LDB2: variants seen among roughly 807,000 people sequenced by gnomAD.
LDB2 encodes LIM domain binding 2.
Under a neutral mutation model 44.3 loss-of-function variants are expected in LDB2, and 12 were observed. The ratio of observed to expected loss-of-function variants is 0.27; its 90% CI spans 0.17 to 0.44. The LOEUF (loss-of-function observed/expected upper bound fraction) is 0.44, where lower values mean the gene tolerates loss of function less well. LDB2 is among the 20% of genes least tolerant of loss of function. The pLI, the probability that LDB2 is intolerant of heterozygous loss-of-function variation, is 1.00. For missense variants in LDB2, 344 were observed against 473.5 expected (o/e 0.73, Z 2.54); for synonymous variants, 164 against 174.8 (o/e 0.94, Z 0.49).
At chr4:16,568,637 C>T (rs1194920567) in intron 5 of LDB2, among the ~76,000 whole-genome samples, 1 of 152,118 alleles carries the variant, frequency 6.6e-6, no homozygotes, top group African/African-American at 2.4e-5. Context: ...GGTTCCAGGA[C>T]CCCCACGAAC....
At position 16,739,642 on chromosome 4, in the gene LDB2, ATACATATGTGTG is replaced by A. The variant is rs1561055142; in HGVS notation, c.235+19504_235+19515del. 4.6e-4 allele frequency among the ~76,000 whole-genome samples: 41 copies of A among 88,610 alleles called. 4 individuals carry two copies. The highest frequency in any genetic ancestry group is 2.4e-3 in the East Asian group (4 of 1,692). The allele number at this position is 88,610 out of a possible 152,430, so 58.1% of individuals were successfully genotyped here. ...TACATGTGTGTGTATATATGTATAT[ATACATATGTGTG>A]TATATATGTATATATACATATGTGT... On this transcript the variant is annotated intron_variant, in intron 2 of 7. Transcript: ENST00000304523.
intron 2 of LDB2, among the ~76,000 whole-genome samples, chr4:16,758,029 G>A (rs1254698406): frequency 2.0e-5 from 3 of 152,142 alleles, no homozygotes; most frequent in Non-Finnish European, 4.4e-5. Context: ...TGGGCAGCAA[G>A]TCCACTCCGG....
intron 1 of LDB2, among the ~76,000 whole-genome samples, chr4:16,760,325 T>G (rs146644572): frequency 1.3e-5 from 2 of 152,238 alleles, no homozygotes; most frequent in African/African-American, 2.4e-5. Context: ...ATGACAACAT[T>G]AAGTTGTTGT....
At chr4:16,875,268 C>G (rs1718017641) in intron 1 of LDB2, among the ~76,000 whole-genome samples, 1 of 152,242 alleles carries the variant, frequency 6.6e-6, no homozygotes, top group Admixed American at 6.5e-5. Context: ...CTGGCAAAAT[C>G]TGATCTGGGT....
chr4:16,636,433 A>G (rs77567952), intron 2 of LDB2, among the ~76,000 whole-genome samples: 5,978 of 152,340 alleles, frequency 0.039, 173 homozygotes, highest in Non-Finnish European at 0.058. Flanking sequence ...CAGTAGGCCC[A>G]CGGTATCATA....
intron 2 of LDB2, among the ~76,000 whole-genome samples, chr4:16,716,217 C>T (rs1285931984): frequency 6.6e-6 from 1 of 152,166 alleles, no homozygotes; most frequent in Non-Finnish European, 1.5e-5. Flanking sequence ...AGGAATATGG[C>T]TCAGGCTGTC....
In LDB2 at chr4:16,592,677, A is replaced by C. The variant is rs1578067171; in HGVS notation, c.408+3026T>G. 2.0e-5 allele frequency among the ~76,000 whole-genome samples: 3 copies of C among 152,054 alleles called. No individual in the cohort carries two copies. In the East Asian group the frequency reaches 5.8e-4, roughly 29 times the overall value. On this transcript the variant is annotated intron_variant, in intron 3 of 7. Transcript: ENST00000304523. Reference sequence around the variant, plus strand: ...TTCATATAGGAAAACTGGTGGGTGCATTTCCATGGTACTTCTCTGTAGCAG... The same window carrying C: ...TTCATATAGGAAAACTGGTGGGTGCCTTTCCATGGTACTTCTCTGTAGCAG...
chr4:16,606,262 G>A (rs1398458949), intron 2 of LDB2, among the ~76,000 whole-genome samples: 2 of 152,162 alleles, frequency 1.3e-5, no homozygotes, highest in African/African-American at 4.8e-5. Context: ...TTTAAATGCA[G>A]CATTGTATTC....
At chr4:16,821,387 A>ATTATT (rs1781959403) in intron 1 of LDB2, among the ~76,000 whole-genome samples, 1 of 130,696 alleles carries the variant, frequency 7.7e-6, no homozygotes, top group Non-Finnish European at 1.7e-5. Context: ...TTTTTTTTTT[A>ATTATT]TTTTTTTTTT....
At chr4:16,748,678 G>A (rs1764846961) in intron 2 of LDB2, among the ~76,000 whole-genome samples, 1 of 152,130 alleles carries the variant, frequency 6.6e-6, no homozygotes, top group South Asian at 2.1e-4. Context: ...ACCTGGATTT[G>A]GCTCACTCCA....
intron 2 of LDB2, among the ~76,000 whole-genome samples, chr4:16,735,799 G>T (rs1761780549): frequency 1.3e-5 from 2 of 152,204 alleles, no homozygotes; most frequent in South Asian, 4.2e-4. Context: ...CAGGATATTT[G>T]CCTGAACAGT....
In LDB2 at chr4:16,647,765, C is replaced by T. The variant is rs554157009; in HGVS notation, c.236-51890G>A. 1.0e-3 allele frequency among the ~76,000 whole-genome samples: 155 copies of T among 152,218 alleles called. 2 individuals are homozygous for T. The highest frequency in any genetic ancestry group is 6.9e-3 in the South Asian group (33 of 4,802). On this transcript the variant is annotated intron_variant, in intron 2 of 7. Transcript: ENST00000304523. ...TCTTTGCCATGTCACTCCCTCTTTC[C>T]GACACCATGTAGGTGAATTCCTATT...
chr4:16,586,033 T>C, intron 4 of LDB2, 28 bp from the exon 5 acceptor site: 1 of 1,545,836 alleles, frequency 6.5e-7, no homozygotes. Flanking sequence ...CCCACATGTA[T>C]TTTATCACTA....
chr4:16,692,201 G>A (rs182835359), intron 2 of LDB2, among the ~76,000 whole-genome samples: 2 of 152,222 alleles, frequency 1.3e-5, no homozygotes, highest in Admixed American at 6.5e-5. Context: ...ATGCAGATGC[G>A]TACATAAACT....
intron 2 of LDB2, among the ~76,000 whole-genome samples, chr4:16,755,175 G>A (rs547998093): frequency 6.6e-6 from 1 of 152,296 alleles, no homozygotes; most frequent in East Asian, 1.9e-4. Flanking sequence ...AATAGTGTGG[G>A]GAACGGTTCT....
rs575735578 is a variant in LDB2 at position 16,593,465 on chromosome 4, C to CA, written c.408+2237dup. Among the ~76,000 whole-genome samples the CA allele has an allele frequency of 1.4e-3, 189 of 138,132 alleles. 1 individual carries two copies. The highest frequency in any genetic ancestry group is 5.0e-3 in the African/African-American group (185 of 37,180). 90.6% of individuals were successfully genotyped at this position (138,132 alleles called of 152,430 possible). A position where few individuals can be genotyped will look rare whatever the true frequency, so the allele number is the denominator to read the frequency against. ...GAGTATTATAATAATCACCAAGGAG[C>CA]AAAAAAACAAAAAACAAAAAATTGA... On this transcript the variant is annotated intron_variant, in intron 3 of 7. Transcript: ENST00000304523.
intron 2 of LDB2, among the ~76,000 whole-genome samples, chr4:16,675,323 C>A (rs182824524): frequency 3.9e-4 from 60 of 152,212 alleles, no homozygotes; most frequent in Non-Finnish European, 7.8e-4. Flanking sequence ...TTATCACATG[C>A]GCACTTATTT....
At chr4:16,640,818 T>G (rs1005361669) in intron 2 of LDB2, among the ~76,000 whole-genome samples, 22 of 152,230 alleles carry the variant, frequency 1.4e-4, no homozygotes, top group Admixed American at 2.6e-4. Flanking sequence ...AGGCTGTCAA[T>G]GAACCATGTA....
At chr4:16,596,502 C>T (rs1308726343) in intron 2 of LDB2, among the ~76,000 whole-genome samples, 1 of 152,124 alleles carries the variant, frequency 6.6e-6, no homozygotes. Flanking sequence ...TCTCTAACTG[C>T]ATGTCTATAA....
Sources: gnomAD v4.1 joint callset for allele counts (sites outside exome capture counted in the v4.1 genomes callset) on GRCh38, gnomAD v4.1.1 for gene constraint, MANE v1.5 for transcripts, NCBI Gene and HGNC (gene_info 2026-07-23, HGNC 2026-07-21) for gene names.